The following CEP295 variants were observed in gnomAD, a reference collection of about 807,000 sequenced individuals.
CEP295 encodes the protein centrosomal protein of 295 kDa.
CEP295 carries 190 observed loss-of-function variants against 291.6 expected under a neutral mutation model. The ratio of observed to expected loss-of-function variants is 0.65; its 90% CI spans 0.58 to 0.73. The LOEUF is 0.73. Among genes scored for constraint, CEP295 ranks in the 30% least tolerant of loss-of-function variants. The probability of loss-of-function intolerance (pLI) is 0.00; values close to 1 mark genes in which losing one functional copy is unlikely to be tolerated. For synonymous variants in CEP295, 993 were observed against 1,038.8 expected, an observed-to-expected ratio of 0.96 and a Z score of 0.85; for missense variants, 2,863 against 2,949.4, an observed-to-expected ratio of 0.97 and a Z score of 0.68.
chr11:93,682,869 G>T (rs766703922), intron 7 of CEP295, among the ~76,000 whole-genome samples: 1 of 151,918 alleles, frequency 6.6e-6, no homozygotes, highest in East Asian at 1.9e-4. Flanking sequence ...TTTCTTACAT[G>T]TACTCATTCT....
chr11:93,719,192 ACT>A (rs1953499863), intron 18 of CEP295, among the ~76,000 whole-genome samples: 2 of 150,486 alleles, frequency 1.3e-5, no homozygotes, highest in African/African-American at 4.9e-5. Flanking sequence ...AAATATCTGT[ACT>A]TACATACAGA....
At chr11:93,722,623 A>C (rs895813993) in intron 20 of CEP295, 1 of 162,688 alleles carries the variant, frequency 6.1e-6, no homozygotes, top group Non-Finnish European at 1.3e-5. Flanking sequence ...TATCCGAGCA[A>C]ATTTCATGGT....
chr11:93,678,412 G>A (rs1950804346), intron 6 of CEP295, among the ~76,000 whole-genome samples: 1 of 152,128 alleles, frequency 6.6e-6, no homozygotes, highest in African/African-American at 2.4e-5. Flanking sequence ...TTTGGCCAGT[G>A]TACTCTTTGT....
In CEP295 at chr11:93,699,714, A is replaced by G. The variant is rs570533150; in HGVS notation, c.4802A>G (p.Asp1601Gly). Residue 1601 changes from aspartate to glycine, a missense_variant, in exon 15 of 30, where the codon GAT (aspartate) becomes GGT (glycine). By Grantham distance (94) the Asp-to-Gly change is moderately conservative (BLOSUM62 -1). Transcript: ENST00000325212. ...TCAAAGCCTATTCTGCCTCAGCAAGATAATATGACAGCACAATTGGATGCA... is the reference window on the plus strand; with the variant it reads ...TCAAAGCCTATTCTGCCTCAGCAAGGTAATATGACAGCACAATTGGATGCA... ...SLSKPILPQQ[D>G]NMTAQLDAQR... 176 of 1,551,776 alleles carry G rather than the reference A, an allele frequency of 1.1e-4. No individual in the cohort carries two copies. The East Asian group carries it at 3.8e-3, about 33-fold the overall frequency.
rs188117309 is a variant in CEP295 at position 93,687,591 on chromosome 11, C to T, written c.1115-53C>T. The stretch of plus-strand genomic sequence containing the variant: ...ACCGAATATAAGATGGAACAATTTG[C>T]CTGGTAATACAATAGATGCTAAATA... On this transcript the variant is annotated intron_variant, in intron 9 of 29. Transcript: ENST00000325212. The T allele has an allele frequency of 2.8e-5, 26 of 938,292 alleles. No individual in the cohort carries two copies. In the East Asian group the frequency reaches 6.6e-4, roughly 24 times the overall value. The allele number at this position is 938,292 out of a possible 1,614,324, so 58.1% of individuals were successfully genotyped here. A position where few individuals can be genotyped will look rare whatever the true frequency, so the allele number is the denominator to read the frequency against.
chr11:93,729,389 T>TAA, intron 25 of CEP295, 45 bp from the exon 26 acceptor site: 1 of 1,329,634 alleles, frequency 7.5e-7, no homozygotes, highest in Admixed American at 2.0e-5. Context: ...AAGACCCGCT[T>TAA]AAAGCGTTTA....
rs144361488 is a variant in CEP295 at position 93,703,166 on chromosome 11, A to G, written c.5596+247A>G. On this transcript the variant is annotated intron_variant, in intron 17 of 29. Transcript: ENST00000325212. ...TTTAGTAGAGACAGGGTTTCACCAT[A>G]TTGGCCAGGCCGGTCTTGAACTGCT... Among the ~76,000 whole-genome samples the G allele has an allele frequency of 8.0e-3, 1,213 of 151,980 alleles. 22 individuals are homozygous for G. Among genetic ancestry groups the G allele is most frequent in the East Asian group, 0.053 (275 of 5,160 alleles).
intron 24 of CEP295, chr11:93,728,430 G>A (rs1364839686): frequency 8.9e-6 from 3 of 337,694 alleles, no homozygotes; most frequent in African/African-American, 6.5e-5. Context: ...CATTGTGGTA[G>A]ATACCTTTCA....
chr11:93,680,266 A>G (rs1370577612), intron 7 of CEP295, among the ~76,000 whole-genome samples: 1 of 152,156 alleles, frequency 6.6e-6, no homozygotes, highest in East Asian at 1.9e-4. Flanking sequence ...TGGGCCACAG[A>G]GCGAGACCCT....
At position 93,727,410 on chromosome 11, in the gene CEP295, A is replaced by G. The variant is rs1459539742; in HGVS notation, c.6934A>G (p.Ile2312Val). Residue 2312 changes from isoleucine (I) to valine (V), a missense_variant, in exon 24 of 30, where the codon ATA (isoleucine) becomes GTA (valine). By Grantham distance (29) the Ile-to-Val change is conservative. Transcript: ENST00000325212. ...NKNETCRVLD[I>V]NPQVEETDSR... ...AAATGAAACCTGTAGGGTTTTAGAC[A>G]TAAATCCACAGGTAGAGGAAACTGA... 2.6e-6 allele frequency: 4 copies of G among 1,551,622 alleles called. No individual in the cohort carries two copies. The highest frequency in any genetic ancestry group is 3.5e-6 in the Non-Finnish European group (4 of 1,146,922).
intron 9 of CEP295, among the ~76,000 whole-genome samples, chr11:93,685,873 G>C (rs529780699): frequency 6.6e-6 from 1 of 151,936 alleles, no homozygotes; most frequent in Non-Finnish European, 1.5e-5. Context: ...ACCATGCCTG[G>C]CTAATTTTTG....
rs536533605 is a variant in CEP295, at chr11:93,704,795, C to T, written c.5596+1876C>T. On this transcript the variant is annotated intron_variant, in intron 17 of 29. Transcript: ENST00000325212. ...GCAAGTAATTTAAAAAGGGAAATAG[C>T]GCTGAAAGGTATAACATAAAACAGC... Among the ~76,000 whole-genome samples the T allele has an allele frequency of 3.5e-4, 53 of 152,190 alleles. 1 individual carries two copies. The highest frequency in any genetic ancestry group is 5.1e-4 in the Non-Finnish European group (35 of 67,998).
In CEP295 at chr11:93,721,722, A is replaced by AT. The variant is rs138214774; in HGVS notation, c.5851-231dup. 4.8e-3 allele frequency: 3,501 copies of AT among 733,364 alleles called. 95 individuals carry two copies. In the East Asian group the frequency reaches 0.055, roughly 11 times the overall value. 45.4% of individuals were successfully genotyped at this position (733,364 alleles called of 1,614,324 possible). ...TGTGTACGCACATGTGTTTATAAAG[A>AT]TAACAGCTGTAGGAATGAATGAGAT... On this transcript the variant is annotated intron_variant, in intron 19 of 29. Transcript: ENST00000325212.
Position 93,683,545 on chromosome 11 carries a change from C to T in CEP295, c.766-14C>T. On this transcript the variant is annotated splice_polypyrimidine_tract_variant and intron_variant, in intron 7 of 29. Transcript: ENST00000325212. ...TTGTGACTCAGTTTTTGTTAATTCT[C>T]TTTATTCTTGAAGAATCAGGAGAAA... 1 of 1,489,236 alleles carries T rather than the reference C, an allele frequency of 6.7e-7. No homozygotes were observed. Among genetic ancestry groups the T allele is most frequent in the Non-Finnish European group, 8.9e-7 (1 of 1,124,484 alleles). The allele number at this position is 1,489,236 out of a possible 1,614,324, so 92.3% of individuals were successfully genotyped here. A position where few individuals can be genotyped will look rare whatever the true frequency, so the allele number is the denominator to read the frequency against.
At chr11:93,700,856 C>T (rs564651155) in intron 15 of CEP295, among the ~76,000 whole-genome samples, 4 of 152,164 alleles carry the variant, frequency 2.6e-5, no homozygotes, top group Non-Finnish European at 5.9e-5. Flanking sequence ...TCTTTGTTGA[C>T]ATTTATATAC....
At chr11:93,676,960 A>G (rs955752258) in intron 6 of CEP295, among the ~76,000 whole-genome samples, 8 of 152,116 alleles carry the variant, frequency 5.3e-5, no homozygotes, top group African/African-American at 1.9e-4. Flanking sequence ...TTATGAAAGT[A>G]TTCCCACAAA....
rs1951087524 is a variant in CEP295, at chr11:93,683,760, G to A, written c.949+18G>A. On this transcript the variant is annotated intron_variant, in intron 8 of 29. Transcript: ENST00000325212. ...AGACAGGAGTAAGATATTTTCAGTA[G>A]GGCTTTCAATAGTGATTTTATACGT... 1 of 1,521,764 alleles carries A rather than the reference G, an allele frequency of 6.6e-7. No individual in the cohort carries two copies. Among genetic ancestry groups the A allele is most frequent in the East Asian group, 2.4e-5 (1 of 40,834 alleles). 94.3% of individuals were successfully genotyped at this position (1,521,764 alleles called of 1,614,324 possible). A position where few individuals can be genotyped will look rare whatever the true frequency, so the allele number is the denominator to read the frequency against.
chr11:93,664,422 C>G (rs1950121018), intron 1 of CEP295, among the ~76,000 whole-genome samples: 4 of 152,220 alleles, frequency 2.6e-5, no homozygotes, highest in Admixed American at 2.6e-4. Context: ...CTTGTTTCTT[C>G]ATGTATAGCA....
chr11:93,676,756 T>C (rs1270169609), intron 6 of CEP295, among the ~76,000 whole-genome samples: 3 of 152,056 alleles, frequency 2.0e-5, no homozygotes, highest in Admixed American at 2.0e-4. Context: ...TGATGAATTT[T>C]TTTTTACCTA....
Sources: gnomAD v4.1 joint callset for allele counts (sites outside exome capture counted in the v4.1 genomes callset) on GRCh38, gnomAD v4.1.1 for gene constraint, MANE v1.5 for transcripts, NCBI Gene and HGNC (gene_info 2026-07-23, HGNC 2026-07-21) for gene names.